FAM171A1: variants seen among roughly 807,000 people sequenced by gnomAD.
FAM171A1 encodes the protein protein FAM171A1.
Under a neutral mutation model 74.9 loss-of-function variants are expected in FAM171A1, and 23 were observed. The observed-to-expected ratio is 0.31, with a 90% CI of 0.22 to 0.44. FAM171A1 has a LOEUF of 0.44. Ranked by LOEUF, FAM171A1 falls within the 20% of genes least tolerant of loss-of-function variation. FAM171A1 has a pLI of 1.00. For synonymous variants in FAM171A1, 527 were observed against 505.7 expected (o/e 1.04, Z -0.57); for missense variants, 1,162 against 1,159.2 (o/e 1.00, Z -0.03).
chr10:15,229,231 T>C (rs965759357), intron 5 of FAM171A1, among the ~76,000 whole-genome samples: 1 of 152,182 alleles, frequency 6.6e-6, no homozygotes, highest in Non-Finnish European at 1.5e-5. Flanking sequence ...AGGCATGGCC[T>C]TGGATTGGGG....
intron 1 of FAM171A1, among the ~76,000 whole-genome samples, chr10:15,294,958 C>G (rs1378680148): frequency 2.0e-5 from 3 of 152,156 alleles, no homozygotes; most frequent in Non-Finnish European, 4.4e-5. Flanking sequence ...TCTTGTTGCC[C>G]AGGCTGGAGT....
chr10:15,261,877 G>C (rs1332408474), intron 3 of FAM171A1, among the ~76,000 whole-genome samples: 1 of 152,164 alleles, frequency 6.6e-6, no homozygotes, highest in East Asian at 1.9e-4. Flanking sequence ...CAGTGCTTTA[G>C]GAGGCTGAGG....
chr10:15,279,880 T>G (rs925563757), intron 2 of FAM171A1, among the ~76,000 whole-genome samples: 4 of 151,830 alleles, frequency 2.6e-5, no homozygotes, highest in African/African-American at 9.7e-5. Flanking sequence ...ATTGCACCAC[T>G]GAGACTCTGT....
chr10:15,327,533 C>T (rs1835570608), intron 1 of FAM171A1, among the ~76,000 whole-genome samples: 1 of 152,146 alleles, frequency 6.6e-6, no homozygotes, highest in Non-Finnish European at 1.5e-5. Flanking sequence ...TGCCTATAAT[C>T]CCAGCTACTC....
At position 15,254,216 on chromosome 10, in the gene FAM171A1, A is replaced by G. The variant is rs115830435; in HGVS notation, c.577+505T>C. On this transcript the variant is annotated intron_variant, in intron 4 of 7. Transcript: ENST00000378116. ...TGGTCCCCATGCCGGTGGGGCATGGAGCCAAGGTATGCCTGTCTCTGAGTT... is the reference window on the plus strand; with the variant it reads ...TGGTCCCCATGCCGGTGGGGCATGGGGCCAAGGTATGCCTGTCTCTGAGTT... Among the ~76,000 whole-genome samples the G allele has an allele frequency of 6.3e-3, 965 of 152,168 alleles. 8 individuals carry two copies. The highest frequency in any genetic ancestry group is 0.022 in the African/African-American group (930 of 41,524).
At chr10:15,288,815 T>TG (rs1835069627) in intron 1 of FAM171A1, among the ~76,000 whole-genome samples, 1 of 109,844 alleles carries the variant, frequency 9.1e-6, no homozygotes, top group Non-Finnish European at 1.9e-5. Flanking sequence ...CGGTAATTCT[T>TG]TTTTTTTTTT....
chr10:15,238,745 C>G (rs376485529), intron 5 of FAM171A1, among the ~76,000 whole-genome samples: 134 of 152,278 alleles, frequency 8.8e-4, no homozygotes, highest in African/African-American at 3.0e-3. Flanking sequence ...ATGCATCGTA[C>G]GTGGTAAGAG....
chr10:15,245,772 C>A (rs4147231), intron 5 of FAM171A1, among the ~76,000 whole-genome samples: 87,223 of 152,138 alleles, frequency 0.57, 25,828 homozygotes, highest in East Asian at 0.81. Flanking sequence ...GGGAGGGCTA[C>A]AGGGGACAGG....
At chr10:15,242,193 C>G (rs1295344332) in intron 5 of FAM171A1, among the ~76,000 whole-genome samples, 5 of 152,058 alleles carry the variant, frequency 3.3e-5, no homozygotes, top group Non-Finnish European at 7.4e-5. Flanking sequence ...TTTTCCTGAT[C>G]TAATACCGTC....
intron 1 of FAM171A1, among the ~76,000 whole-genome samples, chr10:15,291,719 C>T (rs1835104017): frequency 6.6e-6 from 1 of 152,216 alleles, no homozygotes; most frequent in East Asian, 1.9e-4. Context: ...CCAGCTGTAT[C>T]ACCTCCTGCC....
intron 1 of FAM171A1, among the ~76,000 whole-genome samples, chr10:15,324,385 T>A (rs72776190): frequency 2.6e-4 from 39 of 152,318 alleles, no homozygotes; most frequent in Non-Finnish European, 4.4e-4. Flanking sequence ...AGGAGCTCCC[T>A]CCCGTTCTTT....
At chr10:15,256,943 C>A (rs191673190) in intron 3 of FAM171A1, among the ~76,000 whole-genome samples, 3 of 152,298 alleles carry the variant, frequency 2.0e-5, no homozygotes, top group Admixed American at 2.0e-4. Context: ...GATGATATAA[C>A]AACATTCATT....
At chr10:15,374,517 T>A (rs1298678257), upstream of FAM171A1, among the ~76,000 whole-genome samples, 1 of 152,252 alleles carries the variant, frequency 6.6e-6, no homozygotes, top group African/African-American at 2.4e-5. Context: ...CCTTTTCTCA[T>A]GTTCCGATCA....
intron 5 of FAM171A1, among the ~76,000 whole-genome samples, chr10:15,232,976 C>A (rs1834226815): frequency 6.6e-6 from 1 of 152,186 alleles, no homozygotes; most frequent in Non-Finnish European, 1.5e-5. Context: ...TGGATAAGCT[C>A]AGCTAAGAAT....
chr10:15,312,853 G>A lies in FAM171A1; in HGVS notation c.98-28748C>T, dbSNP rs142058808. Among the ~76,000 whole-genome samples the A allele has an allele frequency of 3.8e-3, 572 of 151,290 alleles. 7 individuals carry two copies. Among genetic ancestry groups the A allele is most frequent in the African/African-American group, 0.013 (521 of 41,202 alleles). ...GCTGGGATTACAGGCCCACCACCAC[G>A]CCCGGTTAATTTTTGTATTTTTAGT... is the stretch of plus-strand genomic sequence containing the variant. On this transcript the variant is annotated intron_variant, in intron 1 of 7. Transcript: ENST00000378116.
chr10:15,262,135 T>A (rs1834665704), intron 3 of FAM171A1, among the ~76,000 whole-genome samples: 1 of 151,782 alleles, frequency 6.6e-6, no homozygotes, highest in Non-Finnish European at 1.5e-5. Flanking sequence ...AATCAATGAG[T>A]TTGGATTTGT....
intron 3 of FAM171A1, among the ~76,000 whole-genome samples, chr10:15,266,425 C>G (rs1057126007): frequency 1.3e-5 from 2 of 152,130 alleles, no homozygotes; most frequent in African/African-American, 4.8e-5. Flanking sequence ...AGTGGATGTT[C>G]AGGAAAGACC....
intron 1 of FAM171A1, among the ~76,000 whole-genome samples, chr10:15,303,133 G>A (rs1835252825): frequency 6.6e-6 from 1 of 152,110 alleles, no homozygotes; most frequent in Non-Finnish European, 1.5e-5. Flanking sequence ...AGGTTGCAGT[G>A]AGCCAAGATC....
intron 5 of FAM171A1, among the ~76,000 whole-genome samples, chr10:15,236,844 C>A (rs11259569): frequency 0.075 from 11,273 of 151,156 alleles, 476 homozygotes; most frequent in Middle Eastern, 0.18. Flanking sequence ...GTAATCCCAG[C>A]ACTTTGGGAG....
Sources: allele counts gnomAD v4.1 joint callset (sites outside exome capture counted in the v4.1 genomes callset), GRCh38; gene constraint gnomAD v4.1.1; transcripts MANE v1.5; gene names NCBI Gene and HGNC (gene_info 2026-07-23, HGNC 2026-07-21).